The following CNTNAP2 variants were observed in gnomAD, a reference collection of about 807,000 sequenced individuals.
The protein encoded by CNTNAP2 is contactin-associated protein-like 2.
In CNTNAP2, 98 loss-of-function variants were observed where a neutral mutation model predicts 155.2. The ratio of observed to expected loss-of-function variants is 0.63; its 90% CI spans 0.54 to 0.75. The LOEUF (loss-of-function observed/expected upper bound fraction) is 0.75. Ranked by LOEUF, CNTNAP2 falls within the 30% of genes least tolerant of loss-of-function variation. CNTNAP2 has a pLI of 0.00. For synonymous variants in CNTNAP2, 651 were observed against 631.2 expected (o/e 1.03, Z -0.47); for missense variants, 1,727 against 1,688.1 (o/e 1.02, Z -0.40).
chr7:146,357,232 CA>C (rs71525940), intron 1 of CNTNAP2, among the ~76,000 whole-genome samples: 3,171 of 98,470 alleles, frequency 0.032, 42 homozygotes, highest in African/African-American at 0.052. Context: ...TACAGTGCTC[CA>C]AAAAAAAAAA....
chr7:147,498,690 T>C (rs545397983), intron 11 of CNTNAP2, among the ~76,000 whole-genome samples: 44 of 152,332 alleles, frequency 2.9e-4, no homozygotes, highest in Admixed American at 7.2e-4. Flanking sequence ...AAGTTGAACA[T>C]AGCAGAAGCA....
intron 15 of CNTNAP2, among the ~76,000 whole-genome samples, chr7:148,021,190 GT>G (rs111367910): frequency 2.1e-5 from 2 of 93,710 alleles, no homozygotes; most frequent in African/African-American, 1.3e-4. Flanking sequence ...GAGGTTTTTT[GT>G]TTTTGTTTTG....
At chr7:146,965,086 G>A (rs1797630409) in intron 3 of CNTNAP2, among the ~76,000 whole-genome samples, 1 of 152,202 alleles carries the variant, frequency 6.6e-6, no homozygotes, top group Admixed American at 6.5e-5. Flanking sequence ...ATGTACAAGA[G>A]AAGAAGGTGC....
intron 4 of CNTNAP2, among the ~76,000 whole-genome samples, chr7:147,088,258 G>T (rs1800322193): frequency 6.6e-6 from 1 of 151,782 alleles, no homozygotes; most frequent in Admixed American, 6.6e-5. Context: ...ATAAAGAAAA[G>T]GATCACTATG....
intron 4 of CNTNAP2, among the ~76,000 whole-genome samples, chr7:147,107,002 C>T (rs952949080): frequency 9.9e-5 from 15 of 152,134 alleles, no homozygotes; most frequent in African/African-American, 3.6e-4. Context: ...TTTAGCCAGA[C>T]CTTACCCAAA....
chr7:147,733,727 T>C (rs2116471471), intron 13 of CNTNAP2, among the ~76,000 whole-genome samples: 1 of 152,308 alleles, frequency 6.6e-6, no homozygotes, highest in South Asian at 2.1e-4. Context: ...CTTGAAGAGG[T>C]CCTTCACATC....
intron 1 of CNTNAP2, among the ~76,000 whole-genome samples, chr7:146,560,414 C>T (rs1798262752): frequency 6.6e-6 from 1 of 151,454 alleles, no homozygotes; most frequent in Non-Finnish European, 1.5e-5. Context: ...TGTGTGTATA[C>T]ACGTGTGTGT....
At chr7:146,501,155 T>G (rs112246476) in intron 1 of CNTNAP2, among the ~76,000 whole-genome samples, 6,685 of 152,230 alleles carry the variant, frequency 0.044, 491 homozygotes, top group African/African-American at 0.15. Context: ...ACATACATAT[T>G]AATAAGAAAT....
At chr7:148,177,859 T>A (rs544048379) in intron 18 of CNTNAP2, among the ~76,000 whole-genome samples, 1 of 150,846 alleles carries the variant, frequency 6.6e-6, no homozygotes, top group South Asian at 2.1e-4. Context: ...GCAGAGTTTA[T>A]CATAAAAAAT....
chr7:146,438,106 C>T (rs899729715), intron 1 of CNTNAP2, among the ~76,000 whole-genome samples: 1 of 151,340 alleles, frequency 6.6e-6, no homozygotes, highest in African/African-American at 2.5e-5. Flanking sequence ...CGTAATCTAG[C>T]TTACATTGGT....
chr7:146,707,384 G>A (rs367692771), intron 1 of CNTNAP2, among the ~76,000 whole-genome samples: 1 of 152,124 alleles, frequency 6.6e-6, no homozygotes, highest in Non-Finnish European at 1.5e-5. Context: ...CTTACTGGAA[G>A]GAGGCCTTCA....
intron 9 of CNTNAP2, among the ~76,000 whole-genome samples, chr7:147,370,541 A>T (rs1015576468): frequency 2.6e-5 from 4 of 152,218 alleles, no homozygotes; most frequent in Non-Finnish European, 4.4e-5. Context: ...ACAATAGCAG[A>T]TGCTACAAAC....
rs1015808242 is a variant in CNTNAP2, at chr7:146,405,735, G to A, written c.97+288762G>A. On this transcript the variant is annotated intron_variant, in intron 1 of 23. Transcript: ENST00000361727. ...GAATTATCAGGACAGGTTTCTACAA[G>A]GATTTTAATCTGATTCCTTCACCAA... 4.6e-5 allele frequency among the ~76,000 whole-genome samples: 7 copies of A among 152,132 alleles called. No homozygotes were observed. The East Asian group carries it at 1.4e-3, about 29-fold the overall frequency.
intron 1 of CNTNAP2, among the ~76,000 whole-genome samples, chr7:146,283,400 C>T (rs1800280237): frequency 6.6e-6 from 1 of 152,074 alleles, no homozygotes; most frequent in Admixed American, 6.5e-5. Context: ...CAAGGTCTTG[C>T]TCTGTGGCTC....
intron 12 of CNTNAP2, among the ~76,000 whole-genome samples, chr7:147,596,413 C>G (rs1381003425): frequency 1.3e-5 from 2 of 152,186 alleles, no homozygotes; most frequent in African/African-American, 4.8e-5. Context: ...CCTACCTACC[C>G]CAATCCATTC....
At chr7:148,047,853 A>G (rs778851898) in intron 15 of CNTNAP2, among the ~76,000 whole-genome samples, 1 of 152,210 alleles carries the variant, frequency 6.6e-6, no homozygotes, top group African/African-American at 2.4e-5. Flanking sequence ...AATAAAAGCC[A>G]CAATTCAACT....
At chr7:148,119,132 C>T (rs66465629) in intron 16 of CNTNAP2, among the ~76,000 whole-genome samples, 17,541 of 152,126 alleles carry the variant, frequency 0.12, 1,184 homozygotes, top group East Asian at 0.21. Flanking sequence ...GGAGACTCCA[C>T]TGGCTGTGAG....
intron 2 of CNTNAP2, among the ~76,000 whole-genome samples, chr7:146,810,868 G>T (rs555051058): frequency 2.0e-5 from 3 of 152,158 alleles, no homozygotes; most frequent in African/African-American, 7.2e-5. Context: ...TTTGTTAAAT[G>T]CTTTGTTGCA....
chr7:146,875,974 A>C (rs1022334394), intron 3 of CNTNAP2, among the ~76,000 whole-genome samples: 7 of 150,658 alleles, frequency 4.6e-5, no homozygotes, highest in African/African-American at 1.5e-4. Context: ...AAAAACAAAA[A>C]AACGAGAAGA....
Sources: gnomAD v4.1 joint callset for allele counts (sites outside exome capture counted in the v4.1 genomes callset) on GRCh38, gnomAD v4.1.1 for gene constraint, MANE v1.5 for transcripts, NCBI Gene and HGNC (gene_info 2026-07-23, HGNC 2026-07-21) for gene names.